The following NSMCE1 variants were observed in gnomAD, a reference collection of about 807,000 sequenced individuals.
NSMCE1 encodes NSE1 component of SMC5/6 complex, also known as non-structural maintenance of chromosomes element 1 homolog.
In NSMCE1, 18 loss-of-function variants were observed where a neutral mutation model predicts 29.6. The ratio of observed to expected loss-of-function variants is 0.61; its 90% confidence interval spans 0.42 to 0.90. NSMCE1 has a LOEUF of 0.90. Among genes scored for constraint, NSMCE1 ranks in the 40% least tolerant of loss-of-function variants. The pLI is 0.00. For missense variants in NSMCE1, 314 were observed against 343.6 expected, an observed-to-expected ratio of 0.91 and a Z score of 0.68; for synonymous variants, 124 against 133.4, an observed-to-expected ratio of 0.93 and a Z score of 0.49.
rs1378013433 is a variant in NSMCE1, at chr16:27,232,237, C to T, written c.483+764G>A. Among the ~76,000 whole-genome samples, 1 of 152,186 alleles carries T rather than the reference C, an allele frequency of 6.6e-6. No homozygotes were observed. Among genetic ancestry groups the T allele is most frequent in the African/African-American group, 2.4e-5 (1 of 41,438 alleles). On this transcript the variant is annotated intron_variant, in intron 5 of 7. Coordinates refer to ENST00000361439, the MANE Select transcript of NSMCE1 (RefSeq NM_145080.4). This position sits in a 1 kb window ranked among gnomAD's most constrained non-coding sequence, Gnocchi z 4.5. The stretch of plus-strand genomic sequence containing the variant: ...CCTCAACACACATGGGCACAAGCAC[C>T]TGGGAGGCACAGCTGTGGTCAACTC...
intron 1 of NSMCE1, among the ~76,000 whole-genome samples, chr16:27,262,116 C>A (rs559500297): frequency 1.3e-5 from 2 of 151,968 alleles, no homozygotes; most frequent in African/African-American, 2.4e-5. Context: ...GGGTGGCACG[C>A]GCCTGTAATC....
intron 2 of NSMCE1, among the ~76,000 whole-genome samples, chr16:27,254,866 CTTTTTTTTTTTT>C (rs61088115): frequency 6.4e-5 from 3 of 46,896 alleles, no homozygotes; most frequent in African/African-American, 9.0e-5. Context: ...TCCAACCATG[CTTTTTTTTTTTT>C]TTTTTTTTTT....
intron 2 of NSMCE1, among the ~76,000 whole-genome samples, chr16:27,248,451 C>T (rs2083982782): frequency 6.9e-6 from 1 of 145,524 alleles, no homozygotes; most frequent in East Asian, 2.0e-4. Context: ...TTGCTCTCTC[C>T]CCAGGCTGGA....
intron 1 of NSMCE1, among the ~76,000 whole-genome samples, chr16:27,267,627 A>G (rs1018641550): frequency 4.6e-5 from 6 of 130,084 alleles, no homozygotes; most frequent in African/African-American, 2.3e-4. Flanking sequence ...ATGCAGGGGA[A>G]AAAAAAAAAA....
intron 2 of NSMCE1, among the ~76,000 whole-genome samples, chr16:27,251,177 T>TAAAA (rs2084027039): frequency 1.9e-5 from 1 of 52,140 alleles, no homozygotes; most frequent in African/African-American, 2.1e-4. Flanking sequence ...TATATATATA[T>TAAAA]ATATATATAT....
chr16:27,259,752 T>C (rs139564173), intron 1 of NSMCE1, among the ~76,000 whole-genome samples: 1 of 152,260 alleles, frequency 6.6e-6, no homozygotes, highest in Non-Finnish European at 1.5e-5. Context: ...CTCATCCTAA[T>C]AAAACCACAC....
At chr16:27,244,058 C>T (rs2083923779) in intron 2 of NSMCE1, among the ~76,000 whole-genome samples, 1 of 152,234 alleles carries the variant, frequency 6.6e-6, no homozygotes, top group Non-Finnish European at 1.5e-5. Flanking sequence ...TAGCTGTCTC[C>T]ACCTTGCCCT....
chr16:27,260,973 C>T (rs113971682), intron 1 of NSMCE1, among the ~76,000 whole-genome samples: 1,940 of 151,344 alleles, frequency 0.013, 29 homozygotes, highest in African/African-American at 0.043. Flanking sequence ...TGGAGACCAG[C>T]CTGGTTAACA....
At chr16:27,241,662 A>G (rs2083895888) in intron 2 of NSMCE1, 1 of 213,636 alleles carries the variant, frequency 4.7e-6, no homozygotes, top group Admixed American at 5.2e-5. Context: ...GGCACTTCCA[A>G]GCATGGCCAG....
At chr16:27,235,595 G>A (rs1035596734) in intron 2 of NSMCE1, among the ~76,000 whole-genome samples, 1 of 152,132 alleles carries the variant, frequency 6.6e-6, no homozygotes, top group Non-Finnish European at 1.5e-5. Context: ...GCCTCCTGAT[G>A]AGAGTCCCAA....
At chr16:27,240,626 T>C (rs2083883637) in intron 2 of NSMCE1, among the ~76,000 whole-genome samples, 1 of 152,104 alleles carries the variant, frequency 6.6e-6, no homozygotes, top group South Asian at 2.1e-4. Flanking sequence ...GAAATGCCCA[T>C]CAGTGGTGGC....
rs772792199 is a variant in NSMCE1 at position 27,257,544 on chromosome 16, G to A, written c.27C>T (p.Gly9=). 16 of 1,613,400 alleles carry A rather than the reference G, an allele frequency of 9.9e-6. 1 individual carries two copies. In the South Asian group the frequency reaches 1.2e-4, roughly 12 times the overall value. The change falls in exon 2 of 8, where the codon GGC becomes GGT. Residue 9 remains glycine (G), a synonymous_variant. Coordinates refer to ENST00000361439, the MANE Select transcript of NSMCE1 (RefSeq NM_145080.4). MQGSTRRM[G]VMTDVHRRFL... is the part of the protein sequence containing the mutation. The stretch of plus-strand genomic sequence containing the variant: ...AGCGCCGGTGGACATCAGTCATGAC[G>A]CCCATTCTCCTTGTGCTGCCCTGCA...
intron 5 of NSMCE1, among the ~76,000 whole-genome samples, chr16:27,231,423 G>T (rs1263544046): frequency 6.6e-6 from 1 of 152,146 alleles, no homozygotes; most frequent in East Asian, 1.9e-4. Flanking sequence ...GATCACCTGA[G>T]GTCAGGAGTT....
chr16:27,228,430 T>TA (rs1319940390), intron 5 of NSMCE1, among the ~76,000 whole-genome samples: 45 of 152,128 alleles, frequency 3.0e-4, no homozygotes, highest in Admixed American at 2.7e-3. Context: ...CTATGGCTGT[T>TA]ACCTTCCCCC....
chr16:27,242,982 T>C (rs896804761), intron 2 of NSMCE1, among the ~76,000 whole-genome samples: 4 of 152,198 alleles, frequency 2.6e-5, no homozygotes, highest in Non-Finnish European at 5.9e-5. Context: ...CAGATTGCAC[T>C]GAGCGAACTG....
intron 5 of NSMCE1, among the ~76,000 whole-genome samples, chr16:27,230,155 G>A (rs542716073): frequency 2.6e-5 from 4 of 152,280 alleles, no homozygotes; most frequent in African/African-American, 7.2e-5. Flanking sequence ...AGGCCTCCCC[G>A]CTGACCCCAA....
intron 2 of NSMCE1, among the ~76,000 whole-genome samples, chr16:27,254,250 A>G (rs553415978): frequency 6.6e-6 from 1 of 152,250 alleles, no homozygotes; most frequent in East Asian, 1.9e-4. Context: ...GTTTTTTGGC[A>G]TTTTTCTTAA....
Position 27,249,940 on chromosome 16 carries a change from A to G in NSMCE1, c.136+7495T>C, listed in dbSNP as rs541139210. Among the ~76,000 whole-genome samples the G allele has an allele frequency of 5.3e-5, 8 of 152,304 alleles. No individual in the cohort carries two copies. In the East Asian group the frequency reaches 9.6e-4, roughly 18 times the overall value. On this transcript the variant is annotated intron_variant, in intron 2 of 7. Transcript: ENST00000361439. ...TTTAAATCTCCTTTGACTTCTCTCA[A>G]CAATGTTTTGTAGTTTTCAGTGTAC... is the stretch of plus-strand genomic sequence containing the variant.
At chr16:27,248,388 C>T (rs2083980149) in intron 2 of NSMCE1, among the ~76,000 whole-genome samples, 1 of 149,482 alleles carries the variant, frequency 6.7e-6, no homozygotes, top group East Asian at 2.0e-4. Flanking sequence ...AGTGGTAGCT[C>T]ACTGCGGTTT....
Sources: gnomAD v4.1 joint callset for allele counts (sites outside exome capture counted in the v4.1 genomes callset) on GRCh38, gnomAD v4.1.1 for gene constraint, Gnocchi (gnomAD v3.1) non-coding constraint, MANE v1.5 for transcripts, NCBI Gene and HGNC (gene_info 2026-07-23, HGNC 2026-07-21) for gene names.